Variants in NIPSNAP3B observed in about 807,000 individuals in gnomAD.
NIPSNAP3B encodes the protein nipsnap homolog 3B.
A neutral mutation model predicts 31.5 loss-of-function variants in NIPSNAP3B; 30 were observed. That is an observed-to-expected ratio of 0.95 (90% CI 0.71 to 1.29). The LOEUF (loss-of-function observed/expected upper bound fraction) is 1.29, where lower values mean the gene tolerates loss of function less well. Ranked by LOEUF, NIPSNAP3B falls within the 50% of genes most tolerant of loss-of-function variation. The probability of loss-of-function intolerance (pLI) is 0.00; values close to 1 mark genes in which losing one functional copy is unlikely to be tolerated. For synonymous variants in NIPSNAP3B, 106 were observed against 107.9 expected (o/e 0.98, Z 0.11); for missense variants, 269 against 300.7 (o/e 0.89, Z 0.78).
At chr9:104,772,723 G>T in intron 4 of NIPSNAP3B, 99 bp from the exon 5 acceptor site, 1 of 1,392,218 alleles carries the variant, frequency 7.2e-7, no homozygotes, top group South Asian at 1.2e-5. Context: ...TTTTGATTTT[G>T]ATTTAAAGAA....
chr9:104,784,272 T>C, the NIPSNAP3B span: 3 of 1,611,964 alleles, frequency 1.9e-6, no homozygotes, highest in Admixed American at 1.7e-5. Flanking sequence ...AAGGAAAGTC[T>C]AGTTCCTCTT....
intron 3 of NIPSNAP3B, among the ~76,000 whole-genome samples, chr9:104,770,117 C>G (rs1828182053): frequency 6.6e-6 from 1 of 152,120 alleles, no homozygotes; most frequent in African/African-American, 2.4e-5. Flanking sequence ...CAGTTGACTT[C>G]TCAGTGTCAA....
At chr9:104,786,812 C>T in the NIPSNAP3B span, 50 of 1,390,218 alleles carry the variant, frequency 3.6e-5, no homozygotes, top group Middle Eastern at 3.6e-4. Context: ...AAAATGATCG[C>T]ATATTCTACT....
At chr9:104,787,768 G>C in the NIPSNAP3B span, 1 of 1,533,302 alleles carries the variant, frequency 6.5e-7, no homozygotes. Context: ...TGTGCCAAGG[G>C]AGAAGCTTCC....
rs191378871 is a variant in NIPSNAP3B at position 104,766,259 on chromosome 9, T to G, written c.61-66T>G. 5.4e-5 allele frequency: 72 copies of G among 1,322,490 alleles called. No homozygotes were observed. The African/African-American group carries it at 9.4e-4, about 17-fold the overall frequency. The allele number at this position is 1,322,490 out of a possible 1,614,324, so 81.9% of individuals were successfully genotyped here. Reference sequence around the variant, plus strand: ...GTGTGTTCCTTGTACCAGACTCAGATTTGGTTGTAACCAAATCTGTAATTG... The same window carrying G: ...GTGTGTTCCTTGTACCAGACTCAGAGTTGGTTGTAACCAAATCTGTAATTG... On this transcript the variant is annotated intron_variant, in intron 1 of 5. Coordinates refer to ENST00000374762, the MANE Select transcript of NIPSNAP3B (RefSeq NM_018376.4).
the NIPSNAP3B span, chr9:104,787,922 G>T: frequency 3.1e-6 from 5 of 1,613,998 alleles, no homozygotes; most frequent in Non-Finnish European, 4.2e-6. Flanking sequence ...ATACTCACCA[G>T]AAACACCACA....
chr9:104,776,619 G>A lies in NIPSNAP3B; in HGVS notation c.*3546G>A, dbSNP rs1013153596. ...GCCACTAGATCTGTGAGAAAGAAAT[G>A]TTTGTTGTTTAAGCCACCCTGTCTA... On this transcript the variant is annotated 3_prime_UTR_variant, in exon 6 of 6. Coordinates refer to ENST00000374762, the MANE Select transcript of NIPSNAP3B (RefSeq NM_018376.4). Among the ~76,000 whole-genome samples, 1 of 152,134 alleles carries A rather than the reference G, an allele frequency of 6.6e-6. No homozygotes were observed. Among genetic ancestry groups the A allele is most frequent in the Non-Finnish European group, 1.5e-5 (1 of 68,026 alleles).
At chr9:104,787,581 G>C in the NIPSNAP3B span, among the ~76,000 whole-genome samples, 245 of 152,214 alleles carry the variant, frequency 1.6e-3, 1 homozygote, top group African/African-American at 5.7e-3. Flanking sequence ...GCTACCTTGG[G>C]GATTTTAAAG....
intron 1 of NIPSNAP3B, among the ~76,000 whole-genome samples, chr9:104,765,955 TTGAG>T (rs1828082240): frequency 6.6e-6 from 1 of 152,218 alleles, no homozygotes; most frequent in Admixed American, 6.5e-5. Flanking sequence ...ACATATGGTA[TTGAG>T]TAAGATGGAA....
At position 104,770,894 on chromosome 9, in the gene NIPSNAP3B, C is replaced by T; in HGVS notation, c.476C>T (p.Ala159Val). The T allele has an allele frequency of 6.2e-7, 1 of 1,613,612 alleles. No individual in the cohort carries two copies. The highest frequency in any genetic ancestry group is 2.2e-5 in the East Asian group (1 of 44,850). The change falls in exon 4 of 6, where the codon GCT (alanine) becomes GTT (valine). Residue 159 changes from alanine (A) to valine (V), a missense_variant. Transcript: ENST00000374762. ...AVFQMKPGGP[A>V]LWGDAFERAI... ...TTTCAGATGAAACCTGGTGGGCCAG[C>T]TCTGTGGGGTGATGCATTTGAAAGA...
downstream of NIPSNAP3B, among the ~76,000 whole-genome samples, chr9:104,778,139 A>G (rs988730964): frequency 6.6e-5 from 10 of 152,164 alleles, no homozygotes; most frequent in African/African-American, 2.2e-4. Flanking sequence ...TCTAAATGTT[A>G]TAGGATCTCA....
chr9:104,764,412 G>C (rs928454743), intron 1 of NIPSNAP3B, 112 bp downstream of exon 1: 36 of 898,530 alleles, frequency 4.0e-5, no homozygotes, highest in Non-Finnish European at 5.8e-5. Flanking sequence ...GGGGCCCCGC[G>C]CCGCCGCCGA....
At chr9:104,784,950 T>A in the NIPSNAP3B span, among the ~76,000 whole-genome samples, 1 of 152,120 alleles carries the variant, frequency 6.6e-6, no homozygotes, top group Non-Finnish European at 1.5e-5. Flanking sequence ...GGCCAAAAAC[T>A]GACTTTCTAT....
chr9:104,789,796 A>T, the NIPSNAP3B span, among the ~76,000 whole-genome samples: 4 of 152,116 alleles, frequency 2.6e-5, no homozygotes, highest in East Asian at 7.7e-4. Context: ...ATCTCTCCAC[A>T]TAATAAGTCC....
the NIPSNAP3B span, chr9:104,784,284 A>C: frequency 6.2e-7 from 1 of 1,613,752 alleles, no homozygotes; most frequent in African/African-American, 1.3e-5. Context: ...GTTCCTCTTT[A>C]CTTTCAGCCA....
the NIPSNAP3B span, among the ~76,000 whole-genome samples, chr9:104,789,663 C>T: frequency 6.6e-6 from 1 of 152,100 alleles, no homozygotes; most frequent in South Asian, 2.1e-4. Flanking sequence ...GTAGGTACTG[C>T]TTTATGAAAC....
At chr9:104,784,298 CG>C in the NIPSNAP3B span, 383 of 1,613,956 alleles carry the variant, frequency 2.4e-4, no homozygotes, top group Non-Finnish European at 1.4e-4. Flanking sequence ...TCAGCCACCC[CG>C]TATGAACAGG....
intron 1 of NIPSNAP3B, among the ~76,000 whole-genome samples, chr9:104,765,972 T>G (rs995119957): frequency 2.0e-5 from 3 of 152,230 alleles, no homozygotes; most frequent in Admixed American, 6.5e-5. Flanking sequence ...AGATGGAATA[T>G]TGGCTAAACA....
chr9:104,787,677 G>T, the NIPSNAP3B span: 1 of 187,090 alleles, frequency 5.3e-6, no homozygotes, highest in Non-Finnish European at 1.0e-5. Context: ...CACATATCCA[G>T]CCTCAATCAC....
Sources: gnomAD v4.1 joint callset for allele counts (sites outside exome capture counted in the v4.1 genomes callset) on GRCh38, gnomAD v4.1.1 for gene constraint, MANE v1.5 for transcripts, NCBI Gene and HGNC (gene_info 2026-07-23, HGNC 2026-07-21) for gene names.